The following METAP1D variants were observed in gnomAD, a reference collection of about 807,000 sequenced individuals.
METAP1D encodes methionyl aminopeptidase type 1D, mitochondrial.
METAP1D carries 31 observed loss-of-function variants against 40.5 expected under a neutral mutation model. The ratio of observed to expected loss-of-function variants is 0.77; its 90% CI spans 0.58 to 1.03. METAP1D has a LOEUF of 1.03. Ranked by LOEUF, METAP1D falls within the 50% of genes least tolerant of loss-of-function variation. METAP1D has a pLI of 0.00. For synonymous variants in METAP1D, 151 were observed against 146.4 expected (o/e 1.03, Z -0.22); for missense variants, 411 against 420.7 (o/e 0.98, Z 0.20).
At chr2:172,012,018 C>T (rs1470790513) in intron 1 of METAP1D, among the ~76,000 whole-genome samples, 2 of 152,178 alleles carry the variant, frequency 1.3e-5, no homozygotes, top group African/African-American at 4.8e-5. Flanking sequence ...CTTGCCATCC[C>T]TTTTATCTTT....
At chr2:172,012,099 G>A (rs893536806) in intron 1 of METAP1D, among the ~76,000 whole-genome samples, 1 of 152,098 alleles carries the variant, frequency 6.6e-6, no homozygotes, top group African/African-American at 2.4e-5. Context: ...TCTGGACGTG[G>A]GGTCCCACAC....
intron 1 of METAP1D, among the ~76,000 whole-genome samples, chr2:172,034,413 G>T (rs1234264206): frequency 1.3e-5 from 2 of 152,086 alleles, no homozygotes; most frequent in Non-Finnish European, 2.9e-5. Flanking sequence ...TTTTGTGTGT[G>T]TGTGTGTGTG....
At chr2:172,012,014 A>C (rs1688737899) in intron 1 of METAP1D, among the ~76,000 whole-genome samples, 1 of 152,220 alleles carries the variant, frequency 6.6e-6, no homozygotes, top group Non-Finnish European at 1.5e-5. Context: ...AACTCTTGCC[A>C]TCCCTTTTAT....
intron 1 of METAP1D, among the ~76,000 whole-genome samples, chr2:172,046,046 TTA>T (rs1311853911): frequency 8.1e-5 from 12 of 148,506 alleles, no homozygotes; most frequent in Admixed American, 1.3e-4. Context: ...GTAATGCTTT[TTA>T]TTTTTTTTAA....
intron 1 of METAP1D, among the ~76,000 whole-genome samples, chr2:172,048,111 G>A (rs980744402): frequency 2.0e-5 from 3 of 152,200 alleles, no homozygotes; most frequent in Non-Finnish European, 4.4e-5. Context: ...TACATCTGCA[G>A]TCTCATTTGG....
intron 1 of METAP1D, among the ~76,000 whole-genome samples, chr2:172,005,276 A>G (rs1047542038): frequency 6.6e-6 from 1 of 151,812 alleles, no homozygotes; most frequent in African/African-American, 2.4e-5. Context: ...AGCAGTGTAC[A>G]TTGTACCCAG....
rs1443374179 is a variant in METAP1D, at chr2:172,080,746, T to TA, written c.*346dup. ...CTTTCCCTTGCCCTGACTGTTGGAG[T>TA]AAAAAACCTCTTAAATCCATTGTAT... On this transcript the variant is annotated 3_prime_UTR_variant, in exon 10 of 10. Transcript: ENST00000315796. 4.6e-6 allele frequency: 2 copies of TA among 437,440 alleles called. No homozygotes were observed. Among genetic ancestry groups the TA allele is most frequent in the Non-Finnish European group, 8.3e-6 (2 of 240,922 alleles). 27.1% of individuals were successfully genotyped at this position (437,440 alleles called of 1,614,324 possible).
intron 7 of METAP1D, 149 bp from the exon 8 acceptor site, chr2:172,079,066 C>T (rs1365148038): frequency 4.1e-6 from 3 of 739,372 alleles, no homozygotes; most frequent in Non-Finnish European, 6.7e-6. Context: ...GGTCACTATC[C>T]AGGACTCCAG....
chr2:172,030,665 T>G (rs190790171), intron 1 of METAP1D, among the ~76,000 whole-genome samples: 1 of 152,358 alleles, frequency 6.6e-6, no homozygotes, highest in African/African-American at 2.4e-5. Context: ...ACGTTTCTGC[T>G]TTTGTCTTAA....
At chr2:172,070,328 A>C (rs866231778) in intron 5 of METAP1D, among the ~76,000 whole-genome samples, 1 of 152,200 alleles carries the variant, frequency 6.6e-6, no homozygotes, top group Admixed American at 6.5e-5. Flanking sequence ...ACTTCTAGAC[A>C]TAGGATTTTT....
intron 3 of METAP1D, among the ~76,000 whole-genome samples, chr2:172,065,063 A>G (rs1213804051): frequency 6.6e-6 from 1 of 152,244 alleles, no homozygotes; most frequent in African/African-American, 2.4e-5. Context: ...AAGATTACTT[A>G]AAATCAAATC....
Position 172,036,111 on chromosome 2 carries a change from A to T in METAP1D, c.41-25387A>T, listed in dbSNP as rs549734315. On this transcript the variant is annotated intron_variant, in intron 1 of 9. Coordinates refer to ENST00000315796, the MANE Select transcript of METAP1D (RefSeq NM_199227.3). ...GGTGGGCGGATCACTAGGTCAGGAG[A>T]TCAAGACCATCCTGGCTAACACGGT... Among the ~76,000 whole-genome samples, 19 of 151,734 alleles carry T rather than the reference A, an allele frequency of 1.3e-4. 1 individual carries two copies. The South Asian group carries it at 3.3e-3, about 27-fold the overall frequency.
Position 172,080,203 on chromosome 2 carries a change from A to G in METAP1D, c.926A>G (p.Gln309Arg), listed in dbSNP as rs772460801. The change falls in exon 9 of 10, where the codon CAA becomes CGA. Residue 309 changes from glutamine (Q) to arginine (R), a missense_variant. Transcript: ENST00000315796. ...TGGACTGTGGTCTCCCTAGACAATC[A>G]AAGGTGTTTGCTTTCTGCTCTGTTG... Reference protein sequence around the residue: ...DAWTVVSLDNQRSAQFEHTVL... With the variant: ...DAWTVVSLDNRRSAQFEHTVL... 13 of 1,614,220 alleles carry G rather than the reference A, an allele frequency of 8.1e-6. No individual in the cohort carries two copies. The highest frequency in any genetic ancestry group is 1.1e-5 in the Non-Finnish European group (13 of 1,180,020).
chr2:172,050,617 T>G (rs1689866273), intron 1 of METAP1D, among the ~76,000 whole-genome samples: 1 of 152,178 alleles, frequency 6.6e-6, no homozygotes, highest in African/African-American at 2.4e-5. Flanking sequence ...TTGAGAGACT[T>G]TGGAAGGTTG....
chr2:172,025,678 C>T lies in METAP1D; in HGVS notation c.40+25669C>T, dbSNP rs922050363. ...TAGAGAGAATAATGGTATGAGTCTC[C>T]ATGTAAGAGATAGAAGCATCACCCA... On this transcript the variant is annotated intron_variant, in intron 1 of 9. Transcript: ENST00000315796. 6.6e-5 allele frequency among the ~76,000 whole-genome samples: 10 copies of T among 151,946 alleles called. No homozygotes were observed. The East Asian group carries it at 9.7e-4, about 15-fold the overall frequency.
chr2:172,080,331 G>A lies in METAP1D; in HGVS notation c.933G>A (p.Ser311=), dbSNP rs1365609185. 1 of 1,614,104 alleles carries A rather than the reference G, an allele frequency of 6.2e-7. No individual in the cohort carries two copies. The highest frequency in any genetic ancestry group is 8.5e-7 in the Non-Finnish European group (1 of 1,179,948). The part of the protein sequence containing the change: ...WTVVSLDNQR[S]AQFEHTVLIT... Reference sequence around the variant, plus strand: ...ACGGCTGGGTGCTGTGTTACAGGTCGGCGCAGTTCGAGCACACGGTTCTGA... The same window carrying A: ...ACGGCTGGGTGCTGTGTTACAGGTCAGCGCAGTTCGAGCACACGGTTCTGA... The change falls in exon 10 of 10, where the codon TCG becomes TCA. Residue 311 remains serine (S), a synonymous_variant. Transcript: ENST00000315796.
chr2:172,005,419 A>G (rs1688553934), intron 1 of METAP1D, among the ~76,000 whole-genome samples: 1 of 150,590 alleles, frequency 6.6e-6, no homozygotes, highest in Admixed American at 6.6e-5. Context: ...TTCCTGAGTT[A>G]CTTCACTTAG....
At chr2:172,021,745 C>G (rs1054273324) in intron 1 of METAP1D, 2 of 152,252 alleles carry the variant, frequency 1.3e-5, no homozygotes, top group East Asian at 3.9e-4. Context: ...ACCTGCCCTC[C>G]GGATACACCC....
At chr2:172,007,165 A>ATT (rs139762342) in intron 1 of METAP1D, among the ~76,000 whole-genome samples, 4 of 134,326 alleles carry the variant, frequency 3.0e-5, no homozygotes, top group African/African-American at 5.8e-5. Context: ...ATGTCATGTA[A>ATT]TTTTTTTTTT....
Sources: gnomAD v4.1 joint callset for allele counts (sites outside exome capture counted in the v4.1 genomes callset) on GRCh38, gnomAD v4.1.1 for gene constraint, MANE v1.5 for transcripts, NCBI Gene and HGNC (gene_info 2026-07-23, HGNC 2026-07-21) for gene names.